EPHB1: variants seen among roughly 807,000 people sequenced by gnomAD.
EPHB1 encodes ephrin type-B receptor 1.
EPHB1 carries 30 observed loss-of-function variants against 94.4 expected under a neutral mutation model. That is an observed-to-expected ratio of 0.32 (90% CI 0.24 to 0.43). The LOEUF (loss-of-function observed/expected upper bound fraction) is 0.43. Ranked by LOEUF, EPHB1 falls within the 20% of genes least tolerant of loss-of-function variation. The probability of loss-of-function intolerance (pLI) is 1.00; values close to 1 mark genes in which losing one functional copy is unlikely to be tolerated. For missense variants in EPHB1, 1,055 were observed against 1,308.3 expected, an observed-to-expected ratio of 0.81 and a Z score of 2.99; for synonymous variants, 522 against 489.1, an observed-to-expected ratio of 1.07 and a Z score of -0.89.
intron 4 of EPHB1, among the ~76,000 whole-genome samples, chr3:135,110,294 G>A (rs1559834315): frequency 1.3e-5 from 2 of 152,140 alleles, no homozygotes; most frequent in Non-Finnish European, 2.9e-5. Flanking sequence ...GCTTCCCTCT[G>A]CAGTTTTGAT....
intron 1 of EPHB1, among the ~76,000 whole-genome samples, chr3:134,859,691 ACC>A (rs1244180745): frequency 1.3e-5 from 2 of 152,100 alleles, no homozygotes; most frequent in African/African-American, 4.8e-5. Flanking sequence ...AATTTCTCCT[ACC>A]CAAGAGCAAT....
intron 8 of EPHB1, 31 bp downstream of exon 8, chr3:135,166,107 G>A (rs1306868673): frequency 6.4e-7 from 1 of 1,568,822 alleles, no homozygotes; most frequent in East Asian, 2.2e-5. Context: ...TGCTCTCCTT[G>A]GACCCAGGAA....
At chr3:135,165,671 A>G (rs1941632976) in intron 7 of EPHB1, among the ~76,000 whole-genome samples, 1 of 152,170 alleles carries the variant, frequency 6.6e-6, no homozygotes, top group Non-Finnish European at 1.5e-5. Flanking sequence ...TCTTCGAGAG[A>G]CCTTCCAATT....
intron 3 of EPHB1, among the ~76,000 whole-genome samples, chr3:135,018,902 G>A (rs553198760): frequency 6.6e-6 from 1 of 152,324 alleles, no homozygotes; most frequent in African/African-American, 2.4e-5. Context: ...ATGCTGAACA[G>A]GAATGAGCCT....
Position 135,249,628 on chromosome 3 carries a change from A to G in EPHB1, c.2846+137A>G. On this transcript the variant is annotated intron_variant, in intron 15 of 15. Coordinates refer to ENST00000398015, the MANE Select transcript of EPHB1 (RefSeq NM_004441.5). ...CTGTATAGACCAGGCCTGGATGGGG[A>G]GCACCTTGGAAAGATGAAGGGGGAT... is the stretch of plus-strand genomic sequence containing the variant. 4 of 942,290 alleles carry G rather than the reference A, an allele frequency of 4.2e-6. No individual in the cohort carries two copies. The South Asian group carries it at 8.7e-5, about 21-fold the overall frequency. 58.4% of individuals were successfully genotyped at this position (942,290 alleles called of 1,614,324 possible).
chr3:134,936,701 T>C (rs2039010006), intron 2 of EPHB1, among the ~76,000 whole-genome samples: 1 of 152,228 alleles, frequency 6.6e-6, no homozygotes, highest in Admixed American at 6.5e-5. Context: ...GACAGGCATG[T>C]CCAATACATT....
chr3:135,231,989 A>C (rs944920923), intron 12 of EPHB1, among the ~76,000 whole-genome samples: 1 of 152,216 alleles, frequency 6.6e-6, no homozygotes, highest in African/African-American at 2.4e-5. Context: ...TCAGAAGATG[A>C]GAGACTGTTT....
chr3:135,208,265 T>C (rs555961780), intron 12 of EPHB1, among the ~76,000 whole-genome samples: 2 of 148,462 alleles, frequency 1.3e-5, no homozygotes, highest in Admixed American at 6.7e-5. Context: ...GTTGCAGCCT[T>C]AGAGCAATGG....
intron 10 of EPHB1, among the ~76,000 whole-genome samples, chr3:135,181,787 A>G (rs1371790993): frequency 6.6e-6 from 1 of 152,022 alleles, no homozygotes; most frequent in Admixed American, 6.6e-5. Context: ...CTGTAAAAGG[A>G]CAATTGATAG....
chr3:134,910,196 C>A (rs770423332), intron 1 of EPHB1, among the ~76,000 whole-genome samples: 18 of 152,172 alleles, frequency 1.2e-4, no homozygotes, highest in African/African-American at 4.3e-4. Flanking sequence ...TTGAGTGTGA[C>A]TGCTCTGGCC....
At chr3:134,914,288 T>A (rs941967733) in intron 1 of EPHB1, among the ~76,000 whole-genome samples, 19 of 152,226 alleles carry the variant, frequency 1.2e-4, no homozygotes, top group African/African-American at 4.6e-4. Context: ...ATGACTGCTC[T>A]TTGCAGACCA....
chr3:135,089,965 G>A (rs1250286988), intron 3 of EPHB1, among the ~76,000 whole-genome samples: 2 of 152,196 alleles, frequency 1.3e-5, no homozygotes, highest in East Asian at 3.8e-4. Context: ...TCTGCTGCAA[G>A]CTTCTCCCCT....
At chr3:135,127,039 T>A (rs1940235485) in intron 4 of EPHB1, among the ~76,000 whole-genome samples, 1 of 152,210 alleles carries the variant, frequency 6.6e-6, no homozygotes, top group Non-Finnish European at 1.5e-5. Flanking sequence ...CCAGCTACAG[T>A]TAAACTCTTT....
intron 5 of EPHB1, among the ~76,000 whole-genome samples, chr3:135,140,011 A>C (rs913663465): frequency 2.0e-5 from 3 of 152,186 alleles, no homozygotes; most frequent in Non-Finnish European, 4.4e-5. Context: ...GAGTGCCCAC[A>C]GGACTCAGGG....
chr3:135,164,615 C>T (rs1941599999), intron 7 of EPHB1, among the ~76,000 whole-genome samples: 1 of 152,012 alleles, frequency 6.6e-6, no homozygotes, highest in Admixed American at 6.6e-5. Flanking sequence ...TCAAGACCAG[C>T]CTGGCCAACA....
chr3:135,099,012 C>CA lies in EPHB1; in HGVS notation c.806-7410dup, dbSNP rs34508563. On this transcript the variant is annotated intron_variant, in intron 3 of 15. Transcript: ENST00000398015. ...TGGGCAACAGAGTGAGACCCTGCCT[C>CA]AAAAAAAAAAAAAAAAAAAAAAAAA... 7.9e-3 allele frequency among the ~76,000 whole-genome samples: 508 copies of CA among 64,430 alleles called. 15 individuals are homozygous for CA. The highest frequency in any genetic ancestry group is 0.017 in the African/African-American group (264 of 15,562). The allele number at this position is 64,430 out of a possible 152,430, so 42.3% of individuals were successfully genotyped here.
At chr3:135,145,865 A>G (rs899374902) in intron 5 of EPHB1, among the ~76,000 whole-genome samples, 1 of 152,164 alleles carries the variant, frequency 6.6e-6, no homozygotes, top group African/African-American at 2.4e-5. Context: ...TCAAAGGCCA[A>G]TATTCATGTT....
intron 3 of EPHB1, among the ~76,000 whole-genome samples, chr3:134,976,430 C>T (rs1934195372): frequency 6.6e-6 from 1 of 152,236 alleles, no homozygotes; most frequent in Non-Finnish European, 1.5e-5. Flanking sequence ...TCAAACCACA[C>T]TGAGATGACA....
intron 10 of EPHB1, among the ~76,000 whole-genome samples, chr3:135,191,323 C>T (rs1220223398): frequency 6.6e-6 from 1 of 152,190 alleles, no homozygotes; most frequent in Non-Finnish European, 1.5e-5. Flanking sequence ...TTTTGCATAA[C>T]AGTCCTTTCA....
Sources: gnomAD v4.1 joint callset for allele counts (sites outside exome capture counted in the v4.1 genomes callset) on GRCh38, gnomAD v4.1.1 for gene constraint, MANE v1.5 for transcripts, NCBI Gene and HGNC (gene_info 2026-07-23, HGNC 2026-07-21) for gene names.